The following VOPP1 variants were observed in gnomAD, a reference collection of about 807,000 sequenced individuals.
VOPP1 encodes the protein WW domain binding protein VOPP1.
Under a neutral mutation model 23.5 loss-of-function variants are expected in VOPP1, and 8 were observed. The ratio of observed to expected loss-of-function variants is 0.34; its 90% confidence interval spans 0.20 to 0.61. VOPP1 has a LOEUF of 0.61. Among genes scored for constraint, VOPP1 ranks in the 20% least tolerant of loss-of-function variants. The pLI, the probability that VOPP1 is intolerant of heterozygous loss-of-function variation, is 0.78. For missense variants in VOPP1, 174 were observed against 238.1 expected, an observed-to-expected ratio of 0.73 and a Z score of 1.77; for synonymous variants, 83 against 97.3, an observed-to-expected ratio of 0.85 and a Z score of 0.86.
intron 1 of VOPP1, among the ~76,000 whole-genome samples, chr7:55,558,915 G>A (rs1479625335): frequency 2.0e-5 from 3 of 152,172 alleles, no homozygotes; most frequent in Non-Finnish European, 4.4e-5. Context: ...GAAAGCAAAG[G>A]AAAGGTCAGT....
chr7:55,507,527 A>G (rs1321404652), intron 2 of VOPP1, among the ~76,000 whole-genome samples: 1 of 152,230 alleles, frequency 6.6e-6, no homozygotes, highest in Non-Finnish European at 1.5e-5. Context: ...ATGAAAGTCT[A>G]GGCATAATCT....
intron 2 of VOPP1, among the ~76,000 whole-genome samples, chr7:55,508,402 A>C (rs1012988327): frequency 2.6e-5 from 4 of 152,146 alleles, no homozygotes; most frequent in African/African-American, 9.7e-5. Flanking sequence ...CAAGTAGCTA[A>C]AAATACAGGT....
chr7:55,550,594 C>T (rs192642682), intron 1 of VOPP1, among the ~76,000 whole-genome samples: 1 of 152,254 alleles, frequency 6.6e-6, no homozygotes, highest in Admixed American at 6.5e-5. Flanking sequence ...TTTCAGCATT[C>T]TTACAATATA....
At chr7:55,525,625 T>C (rs939461782) in intron 1 of VOPP1, among the ~76,000 whole-genome samples, 2 of 152,076 alleles carry the variant, frequency 1.3e-5, no homozygotes, top group African/African-American at 4.8e-5. Flanking sequence ...AATTGTGTCT[T>C]CTCTGGAACA....
chr7:55,501,194 C>A (rs146229558), intron 2 of VOPP1, among the ~76,000 whole-genome samples: 1 of 152,158 alleles, frequency 6.6e-6, no homozygotes, highest in Admixed American at 6.5e-5. Context: ...GTCAGCAATG[C>A]GCTACAATTA....
chr7:55,560,798 C>T (rs890729530), intron 1 of VOPP1, among the ~76,000 whole-genome samples: 1 of 152,194 alleles, frequency 6.6e-6, no homozygotes, highest in African/African-American at 2.4e-5. Context: ...CCTCACCTCA[C>T]TCCCATGTCA....
chr7:55,455,887 G>A (rs1305086112), intron 4 of VOPP1, among the ~76,000 whole-genome samples: 1 of 152,132 alleles, frequency 6.6e-6, no homozygotes, highest in Non-Finnish European at 1.5e-5. Context: ...CAGGACATAG[G>A]CATGGGCAAA....
chr7:55,461,874 T>C (rs1791509417), intron 4 of VOPP1, among the ~76,000 whole-genome samples: 2 of 152,202 alleles, frequency 1.3e-5, no homozygotes. Context: ...ATCATTGTGG[T>C]TTGGTGGTTT....
intron 1 of VOPP1, among the ~76,000 whole-genome samples, chr7:55,550,218 C>T (rs1211641626): frequency 2.0e-5 from 3 of 152,212 alleles, no homozygotes; most frequent in Admixed American, 2.0e-4. Context: ...GCCGAAGGTG[C>T]GACACCAGCC....
Position 55,521,147 on chromosome 7 carries a change from G to A in VOPP1, c.55-17C>T. ...TTCTGTGCACTGCAAATAGAAGCAA[G>A]AAAAAGTTTGTCAGTACTCAGGAAT... is the stretch of plus-strand genomic sequence containing the variant. On this transcript the variant is annotated splice_polypyrimidine_tract_variant and intron_variant, in intron 1 of 4. Coordinates refer to ENST00000285279, the MANE Select transcript of VOPP1 (RefSeq NM_030796.5). 1 of 1,566,022 alleles carries A rather than the reference G, an allele frequency of 6.4e-7. No individual in the cohort carries two copies. Among genetic ancestry groups the A allele is most frequent in the Non-Finnish European group, 8.7e-7 (1 of 1,154,400 alleles).
At chr7:55,447,308 C>A (rs985473087) in intron 4 of VOPP1, among the ~76,000 whole-genome samples, 1 of 152,182 alleles carries the variant, frequency 6.6e-6, no homozygotes. Flanking sequence ...TGGCACAATA[C>A]CTCCCTGCGC....
chr7:55,487,725 A>AAT (rs1793246456), intron 4 of VOPP1, among the ~76,000 whole-genome samples: 1 of 152,246 alleles, frequency 6.6e-6, no homozygotes, highest in Admixed American at 6.5e-5. Context: ...CTTGACTATG[A>AAT]ACTTTAATGG....
chr7:55,497,600 A>T lies in VOPP1; in HGVS notation c.191+13T>A, dbSNP rs1583922443. The T allele has an allele frequency of 1.4e-6, 2 of 1,456,336 alleles. No homozygotes were observed. Among genetic ancestry groups the T allele is most frequent in the South Asian group, 2.3e-5 (2 of 87,198 alleles). The allele number at this position is 1,456,336 out of a possible 1,614,324, so 90.2% of individuals were successfully genotyped here. On this transcript the variant is annotated intron_variant, in intron 3 of 4. Coordinates refer to ENST00000285279, the MANE Select transcript of VOPP1 (RefSeq NM_030796.5). ...GCTCTCGGGGTAGGGAACAAGGAGG[A>T]GTTGTGACCTACCAGAAGTACCACA...
rs533768741 is a variant in VOPP1, at chr7:55,504,352, T to A, written c.114-6662A>T. Among the ~76,000 whole-genome samples, 8 of 152,346 alleles carry A rather than the reference T, an allele frequency of 5.3e-5. No individual in the cohort carries two copies. In the South Asian group the frequency reaches 1.0e-3, roughly 20 times the overall value. ...TTCAGGCTTATCACTGGCCTTCGAA[T>A]TAGCTACCTATGAGAAATTGGGCTC... On this transcript the variant is annotated intron_variant, in intron 2 of 4. Coordinates refer to ENST00000285279, the MANE Select transcript of VOPP1 (RefSeq NM_030796.5).
Position 55,492,313 on chromosome 7 carries a change from G to C in VOPP1, c.297C>G (p.Ser99=), listed in dbSNP as rs1793631443. The C allele has an allele frequency of 6.2e-7, 1 of 1,611,490 alleles. No individual in the cohort carries two copies. The highest frequency in any genetic ancestry group is 8.5e-7 in the Non-Finnish European group (1 of 1,178,894). ...CGGGATTTGGGGGCTGCCTGGTGTAGGACACATTGAAGGCTGGCTCCTCGA... is the reference window on the plus strand; with the variant it reads ...CGGGATTTGGGGGCTGCCTGGTGTACGACACATTGAAGGCTGGCTCCTCGA... ...PLIEEPAFNV[S]YTRQPPNPGP... is the part of the protein sequence containing the mutation. The change falls in exon 4 of 5, where the codon TCC becomes TCG. Residue 99 remains serine, a synonymous_variant. Transcript: ENST00000285279.
intron 1 of VOPP1, chr7:55,539,461 T>G (rs540452478): frequency 1.2e-4 from 19 of 152,316 alleles, no homozygotes; most frequent in African/African-American, 3.9e-4. Flanking sequence ...CCAGATGATT[T>G]AAGAATTCCA....
intron 1 of VOPP1, among the ~76,000 whole-genome samples, chr7:55,571,482 G>A (rs1584143407): frequency 6.6e-6 from 1 of 152,218 alleles, no homozygotes. Flanking sequence ...CCCTGATTCA[G>A]ACTGGACACC....
intron 2 of VOPP1, among the ~76,000 whole-genome samples, chr7:55,518,403 A>G (rs892135682): frequency 5.9e-4 from 90 of 152,388 alleles, no homozygotes; most frequent in African/African-American, 1.9e-3. Flanking sequence ...GATTGCAAAC[A>G]TCAGGTGCTA....
chr7:55,476,429 CG>C (rs1005707729), intron 4 of VOPP1, among the ~76,000 whole-genome samples: 4 of 7,646 alleles, frequency 5.2e-4, no homozygotes, highest in Non-Finnish European at 1.1e-3. Flanking sequence ...AGTGGCGTGT[CG>C]GGGGGGTGGG....
Sources: allele counts gnomAD v4.1 joint callset (sites outside exome capture counted in the v4.1 genomes callset), GRCh38; gene constraint gnomAD v4.1.1; transcripts MANE v1.5; gene names NCBI Gene and HGNC (gene_info 2026-07-23, HGNC 2026-07-21).